TMPRSS11A: variants seen among roughly 807,000 people sequenced by gnomAD.
TMPRSS11A encodes the protein transmembrane protease serine 11A.
TMPRSS11A carries 53 observed loss-of-function variants against 58.9 expected under a neutral mutation model. That is an observed-to-expected ratio of 0.90 (90% CI 0.72 to 1.13). The LOEUF (loss-of-function observed/expected upper bound fraction) is 1.13, where lower values mean the gene tolerates loss of function less well. TMPRSS11A is among the 50% of genes most tolerant of loss of function. The pLI is 0.00. For synonymous variants in TMPRSS11A, 167 were observed against 169.8 expected (o/e 0.98, Z 0.13); for missense variants, 493 against 499.3 (o/e 0.99, Z 0.12).
chr4:67,917,573 G>A (rs567695653), intron 8 of TMPRSS11A, among the ~76,000 whole-genome samples: 1 of 152,248 alleles, frequency 6.6e-6, no homozygotes, highest in South Asian at 2.1e-4. Flanking sequence ...GTACTTAACA[G>A]ATTAAGAATG....
chr4:67,920,481 C>T (rs1187489097), intron 7 of TMPRSS11A, among the ~76,000 whole-genome samples: 1 of 146,126 alleles, frequency 6.8e-6, no homozygotes, highest in Non-Finnish European at 1.5e-5. Context: ...GAATAAGAAC[C>T]AATGTGGTAG....
At chr4:67,926,430 C>A (rs183186343) in intron 5 of TMPRSS11A, among the ~76,000 whole-genome samples, 74 of 152,302 alleles carry the variant, frequency 4.9e-4, no homozygotes, top group African/African-American at 1.7e-3. Flanking sequence ...CTGAATGTGC[C>A]TTTCTTAAGT....
At chr4:67,949,234 A>T (rs897882941) in intron 1 of TMPRSS11A, among the ~76,000 whole-genome samples, 3 of 152,158 alleles carry the variant, frequency 2.0e-5, no homozygotes, top group Non-Finnish European at 4.4e-5. Context: ...ACATAGTCAC[A>T]CTGAAAGGAA....
chr4:67,944,768 AAC>A (rs1394834352), intron 2 of TMPRSS11A, 131 bp from the exon 3 acceptor site: 1 of 708,672 alleles, frequency 1.4e-6, no homozygotes, highest in Non-Finnish European at 2.3e-6. Flanking sequence ...TTTAAAAAAT[AAC>A]AGTTAATGTT....
At chr4:67,929,483 T>G (rs935626630) in intron 5 of TMPRSS11A, among the ~76,000 whole-genome samples, 4 of 152,234 alleles carry the variant, frequency 2.6e-5, no homozygotes, top group African/African-American at 4.8e-5. Context: ...TATCACCATA[T>G]ATAGAAACTA....
At chr4:67,919,289 A>G (rs1311944015) in intron 7 of TMPRSS11A, 57 bp from the exon 8 acceptor site, 1 of 1,494,686 alleles carries the variant, frequency 6.7e-7, no homozygotes, top group Non-Finnish European at 9.2e-7. Flanking sequence ...TATATGAGCT[A>G]GATTAATTGC....
In TMPRSS11A at chr4:67,911,136, C is replaced by T; in HGVS notation, c.*206G>A. 1 of 460,570 alleles carries T rather than the reference C, an allele frequency of 2.2e-6. No homozygotes were observed. Among genetic ancestry groups the T allele is most frequent in the Non-Finnish European group, 3.9e-6 (1 of 259,386 alleles). The allele number at this position is 460,570 out of a possible 1,614,324, so 28.5% of individuals were successfully genotyped here. A position where few individuals can be genotyped will look rare whatever the true frequency, so the allele number is the denominator to read the frequency against. Reference sequence around the variant, plus strand: ...CTCTACCGTATTTTTCAAGCCAGATCCATTACTTTACAAATAAAAGTCCCT... The same window carrying T: ...CTCTACCGTATTTTTCAAGCCAGATTCATTACTTTACAAATAAAAGTCCCT... On this transcript the variant is annotated 3_prime_UTR_variant, in exon 10 of 10. Coordinates refer to ENST00000508048, the MANE Select transcript of TMPRSS11A (RefSeq NM_001114387.2).
chr4:67,957,887 A>C (rs1721325611), intron 1 of TMPRSS11A, among the ~76,000 whole-genome samples: 1 of 152,110 alleles, frequency 6.6e-6, no homozygotes, highest in Admixed American at 6.5e-5. Context: ...CAGTCTAGGG[A>C]CTTGTTGCCT....
intron 9 of TMPRSS11A, among the ~76,000 whole-genome samples, chr4:67,913,814 T>A (rs1003471526): frequency 6.6e-6 from 1 of 152,200 alleles, no homozygotes; most frequent in African/African-American, 2.4e-5. Flanking sequence ...GGACAGGACT[T>A]TCTGCCACCT....
intron 8 of TMPRSS11A, 45 bp from the exon 9 acceptor site, chr4:67,914,775 T>G (rs1277333050): frequency 6.4e-7 from 1 of 1,551,238 alleles, no homozygotes; most frequent in Non-Finnish European, 8.8e-7. Flanking sequence ...ATCAGCATCT[T>G]TGGCTAGAGT....
intron 9 of TMPRSS11A, among the ~76,000 whole-genome samples, chr4:67,911,964 T>C (rs1719992025): frequency 6.6e-6 from 1 of 152,210 alleles, no homozygotes. Context: ...ACAACTTCTT[T>C]GCAACTTTTC....
chr4:67,948,604 A>G (rs371064647), intron 1 of TMPRSS11A, among the ~76,000 whole-genome samples: 1 of 152,228 alleles, frequency 6.6e-6, no homozygotes. Flanking sequence ...TCTATTGAGT[A>G]AATATTGACC....
rs1020971715 is a variant in TMPRSS11A, at chr4:67,932,210, G to C, written c.253-150C>G. The stretch of plus-strand genomic sequence containing the variant: ...GGATCTCAGCTTTCACAGTGCAACA[G>C]AATCATTTGATGAATTAAAAAAATT... On this transcript the variant is annotated intron_variant, in intron 3 of 9. Transcript: ENST00000508048. The C allele has an allele frequency of 7.3e-6, 4 of 546,440 alleles. No individual in the cohort carries two copies. In the African/African-American group the frequency reaches 7.6e-5, roughly 10 times the overall value. 33.8% of individuals were successfully genotyped at this position (546,440 alleles called of 1,614,324 possible).
Position 67,922,835 on chromosome 4 carries a change from A to T in TMPRSS11A, c.612T>A (p.Leu204=). The T allele has an allele frequency of 6.2e-7, 1 of 1,614,186 alleles. No homozygotes were observed. The change falls in exon 7 of 10, where the codon CTT becomes CTA. Residue 204 remains leucine (L), a synonymous_variant. Coordinates refer to ENST00000508048, the MANE Select transcript of TMPRSS11A (RefSeq NM_001114387.2). ...PKAAWPWQAS[L]QYDNIHQCGA... is the part of the protein sequence containing the mutation. Reference sequence around the variant, plus strand: ...CACACTGATGGATGTTATCATACTGAAGGGAAGCTTGCCAAGGCCAGGCCG... The same window carrying T: ...CACACTGATGGATGTTATCATACTGTAGGGAAGCTTGCCAAGGCCAGGCCG...
chr4:67,944,846 C>T lies in TMPRSS11A; in HGVS notation c.134-209G>A, dbSNP rs548707146. ...AATATGGCAGGCACTGTCCTGTGCA[C>T]TTTTTATGTATTAGCCCATTTAATC... On this transcript the variant is annotated intron_variant, in intron 2 of 9. Coordinates refer to ENST00000508048, the MANE Select transcript of TMPRSS11A (RefSeq NM_001114387.2). 5.3e-5 allele frequency among the ~76,000 whole-genome samples: 8 copies of T among 152,214 alleles called. No homozygotes were observed. In the South Asian group the frequency reaches 1.7e-3, roughly 32 times the overall value.
At chr4:67,923,705 T>C (rs1720392476) in intron 6 of TMPRSS11A, among the ~76,000 whole-genome samples, 2 of 152,264 alleles carry the variant, frequency 1.3e-5, no homozygotes, top group South Asian at 4.1e-4. Flanking sequence ...TGGGTTTTCT[T>C]CTCCATGTTG....
chr4:67,911,063 T>C lies in TMPRSS11A; in HGVS notation c.*279A>G. ...CATGGACTATCTTCAAAAATATGTA[T>C]TGAGTCTCACTGGTACTTCAACATT... On this transcript the variant is annotated 3_prime_UTR_variant, in exon 10 of 10. Coordinates refer to ENST00000508048, the MANE Select transcript of TMPRSS11A (RefSeq NM_001114387.2). 1 of 263,940 alleles carries C rather than the reference T, an allele frequency of 3.8e-6. No individual in the cohort carries two copies. Among genetic ancestry groups the C allele is most frequent in the East Asian group, 6.8e-5 (1 of 14,762 alleles). The allele number at this position is 263,940 out of a possible 1,614,324, so 16.3% of individuals were successfully genotyped here. A position where few individuals can be genotyped will look rare whatever the true frequency, so the allele number is the denominator to read the frequency against.
chr4:67,940,723 C>T (rs562328485), intron 3 of TMPRSS11A, among the ~76,000 whole-genome samples: 1 of 152,238 alleles, frequency 6.6e-6, no homozygotes, highest in Non-Finnish European at 1.5e-5. Flanking sequence ...CTCTGCTTCA[C>T]CTTTGAACAT....
At chr4:67,921,124 ATAGAG>A (rs903202804) in intron 7 of TMPRSS11A, among the ~76,000 whole-genome samples, 9 of 152,176 alleles carry the variant, frequency 5.9e-5, no homozygotes, top group Non-Finnish European at 1.3e-4. Context: ...GTAGAAGTTA[ATAGAG>A]TATAGATTTG....
Sources: allele counts gnomAD v4.1 joint callset (sites outside exome capture counted in the v4.1 genomes callset), GRCh38; gene constraint gnomAD v4.1.1; transcripts MANE v1.5; gene names NCBI Gene and HGNC (gene_info 2026-07-23, HGNC 2026-07-21).